SLC25A48: variants seen among roughly 807,000 people sequenced by gnomAD.
SLC25A48 encodes solute carrier family 25 member 48, also known as CTC-321K16.1.
Under a neutral mutation model 32.2 loss-of-function variants are expected in SLC25A48, and 29 were observed. The observed-to-expected ratio is 0.90, with a 90% CI of 0.67 to 1.23. The LOEUF (loss-of-function observed/expected upper bound fraction) is 1.23. Among genes scored for constraint, SLC25A48 ranks in the 50% most tolerant of loss-of-function variants. The pLI is 0.00. For synonymous variants in SLC25A48, 164 were observed against 172.3 expected, an observed-to-expected ratio of 0.95 and a Z score of 0.38; for missense variants, 399 against 422.7, an observed-to-expected ratio of 0.94 and a Z score of 0.49.
At chr5:135,771,824 A>G (rs943707939) in intron 3 of SLC25A48, among the ~76,000 whole-genome samples, 139 of 151,498 alleles carry the variant, frequency 9.2e-4, no homozygotes, top group African/African-American at 3.3e-3. Context: ...GGGGGAGAAC[A>G]TAATATTACT....
intron 3 of SLC25A48, among the ~76,000 whole-genome samples, chr5:135,669,997 T>C (rs888304236): frequency 1.3e-5 from 2 of 152,340 alleles, no homozygotes; most frequent in East Asian, 3.9e-4. Flanking sequence ...TAAACACGCA[T>C]AGGTACTTTG....
rs573818131 is a variant in SLC25A48, at chr5:135,787,633, A to G, written c.-520-24890A>G. ...ACTTTTAATTTCACAGGGAGTGTAT[A>G]CTCTGTGATATTATTCGTAATATCC... On this transcript the variant is annotated intron_variant, in intron 3 of 10. Transcript: ENST00000646290. Among the ~76,000 whole-genome samples the G allele has an allele frequency of 4.6e-5, 7 of 151,888 alleles. No homozygotes were observed. In the South Asian group the frequency reaches 6.2e-4, roughly 14 times the overall value.
At chr5:135,665,339 C>T (rs1435612909) in intron 3 of SLC25A48, among the ~76,000 whole-genome samples, 1 of 151,736 alleles carries the variant, frequency 6.6e-6, no homozygotes, top group Admixed American at 6.6e-5. Context: ...TTGTTGGATG[C>T]GTAGTTGGCA....
chr5:135,887,477 T>TAC lies in SLC25A48; in HGVS notation c.*8-543_*8-542dup, dbSNP rs200157594. Among the ~76,000 whole-genome samples, 208 of 151,128 alleles carry TAC rather than the reference T, an allele frequency of 1.4e-3. 4 individuals are homozygous for TAC. The East Asian group carries it at 0.036, about 27-fold the overall frequency. ...ATGTGTGTGTGTGTGTGTGTACATA[T>TAC]ACACACACACACATATATATGTGTG... On this transcript the variant is annotated intron_variant, in intron 7 of 7. Transcript: ENST00000681962.
Position 135,748,559 on chromosome 5 carries a change from C to A in SLC25A48, c.-520-63964C>A, listed in dbSNP as rs1056517242. 3.3e-5 allele frequency among the ~76,000 whole-genome samples: 5 copies of A among 151,954 alleles called. 1 individual carries two copies. Among genetic ancestry groups the A allele is most frequent in the African/African-American group, 1.2e-4 (5 of 41,354 alleles). ...AAAGTGCTGGGATTATAGGCATGAG[C>A]CACCGTGCCCTGCTGCAAGTTATTC... is the stretch of plus-strand genomic sequence containing the variant. On this transcript the variant is annotated intron_variant, in intron 3 of 10. Coordinates refer to the SLC25A48 transcript ENST00000646290.
At position 135,793,699 on chromosome 5, in the gene SLC25A48, C is replaced by T. The variant is rs558837558; in HGVS notation, c.-520-18824C>T. Among the ~76,000 whole-genome samples the T allele has an allele frequency of 4.6e-5, 7 of 151,122 alleles. No individual in the cohort carries two copies. In the South Asian group the frequency reaches 1.5e-3, roughly 32 times the overall value. ...ATCCTGGGTTTATTATTTGTAATAT[C>T]CTGGGGAGATATTACTCTCCTAATA... On this transcript the variant is annotated intron_variant, in intron 3 of 10. Coordinates refer to the SLC25A48 transcript ENST00000646290.
chr5:135,685,037 T>C (rs1753985730), intron 3 of SLC25A48, among the ~76,000 whole-genome samples: 1 of 152,208 alleles, frequency 6.6e-6, no homozygotes. Context: ...TGTATGAGCT[T>C]GTCTGTTTTC....
intron 1 of SLC25A48, among the ~76,000 whole-genome samples, chr5:135,617,530 T>A (rs2126896118): frequency 6.6e-6 from 1 of 152,150 alleles, no homozygotes; most frequent in South Asian, 2.1e-4. Flanking sequence ...TTTTGGTTAG[T>A]TGAGGTTTAC....
intron 3 of SLC25A48, among the ~76,000 whole-genome samples, chr5:135,744,838 T>C (rs1285986789): frequency 6.6e-6 from 1 of 150,874 alleles, no homozygotes; most frequent in Non-Finnish European, 1.5e-5. Flanking sequence ...GGTCTGGAGT[T>C]CAAGACCAGC....
chr5:135,596,805 A>G (rs1041810677), intron 1 of SLC25A48, among the ~76,000 whole-genome samples: 6 of 152,146 alleles, frequency 3.9e-5, no homozygotes, highest in Non-Finnish European at 8.8e-5. Flanking sequence ...TACTGATTGC[A>G]CTATCATTTT....
chr5:135,869,369 A>G (rs1735358722), intron 4 of SLC25A48, among the ~76,000 whole-genome samples: 2 of 152,166 alleles, frequency 1.3e-5, no homozygotes, highest in African/African-American at 4.8e-5. Context: ...TATGTGGCAA[A>G]CCTGGGAGAA....
intron 1 of SLC25A48, among the ~76,000 whole-genome samples, chr5:135,606,489 G>T (rs184309787): frequency 1.3e-5 from 2 of 152,280 alleles, no homozygotes; most frequent in African/African-American, 4.8e-5. Context: ...TGTATCTATG[G>T]CAGGCTCTTT....
intron 3 of SLC25A48, among the ~76,000 whole-genome samples, chr5:135,650,695 G>A (rs1580754454): frequency 6.6e-6 from 1 of 152,304 alleles, no homozygotes; most frequent in Admixed American, 6.5e-5. Context: ...CACAAGGTTT[G>A]TTTTTTAACG....
chr5:135,857,024 G>A (rs939688153), intron 4 of SLC25A48, among the ~76,000 whole-genome samples: 2 of 152,206 alleles, frequency 1.3e-5, no homozygotes, highest in Admixed American at 1.3e-4. Context: ...CCTTGTCCCT[G>A]GAAGGGGAGG....
chr5:135,727,133 C>A (rs1755108089), intron 3 of SLC25A48, among the ~76,000 whole-genome samples: 1 of 150,942 alleles, frequency 6.6e-6, no homozygotes, highest in Non-Finnish European at 1.5e-5. Context: ...GTCTTTTGTC[C>A]ATTTTTAAAT....
At chr5:135,879,799 G>A (rs1326147069) in intron 6 of SLC25A48, among the ~76,000 whole-genome samples, 169 bp from the exon 7 acceptor site, 1 of 152,258 alleles carries the variant, frequency 6.6e-6, no homozygotes, top group Non-Finnish European at 1.5e-5. Flanking sequence ...GGTCAGGGCA[G>A]GGCATGACTG....
intron 4 of SLC25A48, among the ~76,000 whole-genome samples, chr5:135,858,705 C>T (rs77510594): frequency 0.014 from 2,060 of 152,286 alleles, 39 homozygotes; most frequent in African/African-American, 0.043. Flanking sequence ...GTTATGACAA[C>T]GTTGATAACA....
upstream of SLC25A48, among the ~76,000 whole-genome samples, chr5:135,831,924 C>T (rs879768037): frequency 4.6e-5 from 7 of 152,130 alleles, no homozygotes; most frequent in East Asian, 1.9e-4. Context: ...GAGCCACATT[C>T]GGAGACAGCA....
chr5:135,834,771 C>A lies in SLC25A48; in HGVS notation c.-77C>A. On this transcript the variant is annotated 5_prime_UTR_variant, in exon 1 of 8. Coordinates refer to ENST00000681962, the MANE Select transcript of SLC25A48 (RefSeq NM_001349336.2). ...TCCGACTTCGGTCTTGCGGCGCGCT[C>A]GCGCCCGCGGGCCATGCCCCACTGA... 6 of 1,450,274 alleles carry A rather than the reference C, an allele frequency of 4.1e-6. No homozygotes were observed. The South Asian group carries it at 7.0e-5, about 17-fold the overall frequency. The allele number at this position is 1,450,274 out of a possible 1,614,324, so 89.8% of individuals were successfully genotyped here. A position where few individuals can be genotyped will look rare whatever the true frequency, so the allele number is the denominator to read the frequency against.
Sources: allele counts gnomAD v4.1 joint callset (sites outside exome capture counted in the v4.1 genomes callset), GRCh38; gene constraint gnomAD v4.1.1; transcripts MANE v1.5; gene names NCBI Gene and HGNC (gene_info 2026-07-23, HGNC 2026-07-21).